Variants in CACNG2 observed in about 807,000 individuals in gnomAD.
CACNG2 encodes the protein calcium voltage-gated channel auxiliary subunit gamma 2.
Under a neutral mutation model 25.9 loss-of-function variants are expected in CACNG2, and 3 were observed. The ratio of observed to expected loss-of-function variants is 0.12; its 90% CI spans 0.05 to 0.30. The LOEUF is 0.30. Ranked by LOEUF, CACNG2 falls within the 10% of genes least tolerant of loss-of-function variation. The pLI is 1.00. For synonymous variants in CACNG2, 167 were observed against 173.3 expected (o/e 0.96, Z 0.29); for missense variants, 341 against 432.5 (o/e 0.79, Z 1.88).
chr22:36,695,245 A>G lies in CACNG2; in HGVS notation c.211+7121T>C, dbSNP rs553309009. 5.3e-5 allele frequency among the ~76,000 whole-genome samples: 8 copies of G among 152,204 alleles called. No individual in the cohort carries two copies. In the East Asian group the frequency reaches 1.2e-3, roughly 22 times the overall value. The stretch of plus-strand genomic sequence containing the variant: ...AAAAAGAAAGAAAGAAAGGAAGGAA[A>G]AAAAGGAAACAGCTGCTCTAATCCT... On this transcript the variant is annotated intron_variant, in intron 1 of 3. Transcript: ENST00000300105.
At chr22:36,656,097 C>T (rs980595391) in intron 1 of CACNG2, among the ~76,000 whole-genome samples, 9 of 152,072 alleles carry the variant, frequency 5.9e-5, no homozygotes, top group Non-Finnish European at 1.0e-4. Context: ...CATGAGTCAC[C>T]GCACCTGGCC....
chr22:36,679,178 C>A (rs1937056369), intron 1 of CACNG2, among the ~76,000 whole-genome samples: 1 of 129,532 alleles, frequency 7.7e-6, no homozygotes. Flanking sequence ...TCCTTCCTTC[C>A]TTCCTTCCTT....
chr22:36,632,469 CCTCTCTCTCTCT>C (rs131827), intron 1 of CACNG2, among the ~76,000 whole-genome samples: 2 of 145,736 alleles, frequency 1.4e-5, no homozygotes, highest in South Asian at 2.3e-4. Flanking sequence ...TCTCTCCTCT[CCTCTCTCTCTCT>C]CTCTCTCTCT....
intron 2 of CACNG2, among the ~76,000 whole-genome samples, chr22:36,584,134 A>G (rs529571560): frequency 6.6e-6 from 1 of 151,210 alleles, no homozygotes; most frequent in South Asian, 2.1e-4. Context: ...CCACTCTCCA[A>G]CCCCTCCCAG....
At chr22:36,622,730 G>A (rs569557844) in intron 1 of CACNG2, among the ~76,000 whole-genome samples, 104 of 152,182 alleles carry the variant, frequency 6.8e-4, no homozygotes, top group Non-Finnish European at 1.1e-3. Context: ...AGGCTGAGGC[G>A]GGCAGATCAC....
In CACNG2 at chr22:36,703,646, G is replaced by A. The variant is rs118059048; in HGVS notation, c.-1070C>T. On this transcript the variant is annotated 5_prime_UTR_variant, in exon 1 of 4. Transcript: ENST00000300105. ...AGTCCTCCCTCCCCGGGGCAGCAAG[G>A]CCAGCGCAGAGCGGGGGCCGCCTTT... 1,809 of 152,278 alleles carry A rather than the reference G, an allele frequency of 0.012. 31 individuals carry two copies. The highest frequency in any genetic ancestry group is 0.016 in the East Asian group (81 of 5,158). The allele number at this position is 152,278 out of a possible 1,614,324, so 9.4% of individuals were successfully genotyped here. A position where few individuals can be genotyped will look rare whatever the true frequency, so the allele number is the denominator to read the frequency against.
chr22:36,622,206 C>T (rs1263965099), intron 1 of CACNG2, among the ~76,000 whole-genome samples: 2 of 152,220 alleles, frequency 1.3e-5, no homozygotes, highest in Non-Finnish European at 2.9e-5. Context: ...TTCCTGAGCC[C>T]CCAACTATGT....
chr22:36,594,201 A>T (rs778863505), intron 1 of CACNG2, among the ~76,000 whole-genome samples: 1 of 152,156 alleles, frequency 6.6e-6, no homozygotes, highest in Non-Finnish European at 1.5e-5. Flanking sequence ...GTAGAGACTA[A>T]GGGCCAAGTG....
rs146423020 is a variant in CACNG2, at chr22:36,583,827, G to A, written c.295+3638C>T. Among the ~76,000 whole-genome samples, 47 of 152,244 alleles carry A rather than the reference G, an allele frequency of 3.1e-4. No individual in the cohort carries two copies. The East Asian group carries it at 9.1e-3, about 29-fold the overall frequency. Reference sequence around the variant, plus strand: ...GTCATTCCCATCACACTTAGAATGAGAGCTGAGGTCTCCCCCTGGTCCCAG... The same window carrying A: ...GTCATTCCCATCACACTTAGAATGAAAGCTGAGGTCTCCCCCTGGTCCCAG... On this transcript the variant is annotated intron_variant, in intron 2 of 3. Coordinates refer to ENST00000300105, the MANE Select transcript of CACNG2 (RefSeq NM_006078.5).
chr22:36,640,279 A>G (rs1425188894), intron 1 of CACNG2, among the ~76,000 whole-genome samples: 2 of 152,238 alleles, frequency 1.3e-5, no homozygotes, highest in Non-Finnish European at 2.9e-5. Context: ...TCCACAGAAA[A>G]GCCTGTTAAG....
chr22:36,700,052 C>T (rs1275145379), intron 1 of CACNG2, among the ~76,000 whole-genome samples: 1 of 152,244 alleles, frequency 6.6e-6, no homozygotes, highest in Non-Finnish European at 1.5e-5. Flanking sequence ...GAGTATCATC[C>T]CTGAGGAGAG....
rs950482145 is a variant in CACNG2, at chr22:36,633,890, G to A, written c.212-46342C>T. ...GAAAGTCGGTTTCGGTGGATCTGTC[G>A]CTCTCACTGCAGTTTGGAATTGGGT... On this transcript the variant is annotated intron_variant, in intron 1 of 3. Coordinates refer to ENST00000300105, the MANE Select transcript of CACNG2 (RefSeq NM_006078.5). 3.9e-5 allele frequency among the ~76,000 whole-genome samples: 6 copies of A among 152,026 alleles called. No homozygotes were observed. The East Asian group carries it at 9.6e-4, about 24-fold the overall frequency.
chr22:36,599,306 C>T (rs1266859159), intron 1 of CACNG2, among the ~76,000 whole-genome samples: 1 of 152,112 alleles, frequency 6.6e-6, no homozygotes, highest in Admixed American at 6.5e-5. Flanking sequence ...GGTATGATTC[C>T]ATTTTCATTA....
rs968017810 is a variant in CACNG2 at position 36,616,718 on chromosome 22, C to A, written c.212-29170G>T. On this transcript the variant is annotated intron_variant, in intron 1 of 3. Transcript: ENST00000300105. ...TCCTGCTTGCTTGGCTCATAAAGTT[C>A]TCTCTGCTTCAACTGCCATCTCCTT... Among the ~76,000 whole-genome samples the A allele has an allele frequency of 5.9e-5, 9 of 152,202 alleles. No homozygotes were observed. In the East Asian group the frequency reaches 1.5e-3, roughly 26 times the overall value.
At chr22:36,610,386 C>T (rs1935921961) in intron 1 of CACNG2, among the ~76,000 whole-genome samples, 1 of 151,990 alleles carries the variant, frequency 6.6e-6, no homozygotes, top group Non-Finnish European at 1.5e-5. Flanking sequence ...GAATCAGCTC[C>T]CCAGAGCGTG....
chr22:36,575,165 G>A (rs532052011), intron 2 of CACNG2, among the ~76,000 whole-genome samples: 159 of 152,338 alleles, frequency 1.0e-3, no homozygotes, highest in Admixed American at 2.5e-3. Context: ...GATTAAGCAG[G>A]AAGAGGAATG....
At chr22:36,642,192 C>G (rs1366925365) in intron 1 of CACNG2, among the ~76,000 whole-genome samples, 2 of 152,174 alleles carry the variant, frequency 1.3e-5, no homozygotes, top group Non-Finnish European at 2.9e-5. Context: ...GTATAAGCAT[C>G]TTTTCCAAAT....
chr22:36,641,794 A>G (rs907322008), intron 1 of CACNG2, among the ~76,000 whole-genome samples: 3 of 152,234 alleles, frequency 2.0e-5, no homozygotes, highest in Non-Finnish European at 4.4e-5. Flanking sequence ...ATTACTGTCA[A>G]CTTGAGGGTT....
In CACNG2 at chr22:36,584,932, G is replaced by T. The variant is rs531225759; in HGVS notation, c.295+2533C>A. ...CTCCACCCCAGGTGCAGCTCAGCCCGCCTCCTTCAGCCTAAGCTCTGCCCA... is the reference window on the plus strand; with the variant it reads ...CTCCACCCCAGGTGCAGCTCAGCCCTCCTCCTTCAGCCTAAGCTCTGCCCA... On this transcript the variant is annotated intron_variant, in intron 2 of 3. Coordinates refer to ENST00000300105, the MANE Select transcript of CACNG2 (RefSeq NM_006078.5). 2.7e-3 allele frequency: 418 copies of T among 152,496 alleles called. 4 individuals are homozygous for T. Among genetic ancestry groups the T allele is most frequent in the South Asian group, 0.022 (105 of 4,820 alleles). 9.4% of individuals were successfully genotyped at this position (152,496 alleles called of 1,614,324 possible).
Sources: gnomAD v4.1 joint callset for allele counts (sites outside exome capture counted in the v4.1 genomes callset) on GRCh38, gnomAD v4.1.1 for gene constraint, MANE v1.5 for transcripts, NCBI Gene and HGNC (gene_info 2026-07-23, HGNC 2026-07-21) for gene names.